AHCYL2: variants seen among roughly 807,000 people sequenced by gnomAD.
AHCYL2 encodes S-adenosylhomocysteine hydrolase-like protein 2.
AHCYL2 carries 28 observed loss-of-function variants against 81.4 expected under a neutral mutation model. The observed-to-expected ratio is 0.34, with a 90% CI of 0.25 to 0.47. The LOEUF is 0.47. Ranked by LOEUF, AHCYL2 falls within the 20% of genes least tolerant of loss-of-function variation. AHCYL2 has a pLI of 1.00. For synonymous variants in AHCYL2, 272 were observed against 290.2 expected, an observed-to-expected ratio of 0.94 and a Z score of 0.64; for missense variants, 551 against 785.1, an observed-to-expected ratio of 0.70 and a Z score of 3.56.
chr7:129,304,944 T>C (rs1004058557), intron 1 of AHCYL2, among the ~76,000 whole-genome samples: 6 of 152,006 alleles, frequency 3.9e-5, no homozygotes, highest in African/African-American at 1.4e-4. Context: ...GGTTTTTTTT[T>C]TGGTCTTCTC....
chr7:129,286,712 T>G (rs1468916326), intron 1 of AHCYL2, among the ~76,000 whole-genome samples: 3 of 152,246 alleles, frequency 2.0e-5, no homozygotes, highest in Admixed American at 2.0e-4. Context: ...CCACCTGCCT[T>G]GGCCTCCCAG....
At chr7:129,370,492 A>G (rs1182100877) in intron 1 of AHCYL2, among the ~76,000 whole-genome samples, 2 of 152,090 alleles carry the variant, frequency 1.3e-5, no homozygotes, top group Non-Finnish European at 2.9e-5. Context: ...AGGTCAGGAG[A>G]TCAAGATCAT....
intron 1 of AHCYL2, among the ~76,000 whole-genome samples, chr7:129,321,766 G>GTTTTTGTTTTTTTTT (rs1315391980): frequency 1.9e-5 from 2 of 107,484 alleles, no homozygotes; most frequent in Non-Finnish European, 3.7e-5. Context: ...TTTTTTTTTG[G>GTTTTTGTTTTTTTTT]TCTTGGTTTT....
intron 1 of AHCYL2, among the ~76,000 whole-genome samples, chr7:129,342,849 G>A (rs1050254962): frequency 6.6e-6 from 1 of 152,076 alleles, no homozygotes. Context: ...TGGCATATAT[G>A]TATATAATAT....
At chr7:129,384,190 C>T (rs919813315) in intron 2 of AHCYL2, among the ~76,000 whole-genome samples, 36 of 150,564 alleles carry the variant, frequency 2.4e-4, no homozygotes, top group African/African-American at 8.8e-4. Flanking sequence ...AAATTTTCCT[C>T]CTTTATTTTT....
At chr7:129,313,657 A>AG (rs1346278286) in intron 1 of AHCYL2, among the ~76,000 whole-genome samples, 3 of 152,220 alleles carry the variant, frequency 2.0e-5, no homozygotes, top group African/African-American at 7.2e-5. Context: ...ATAGTACAAA[A>AG]GGATCGTTTC....
intron 1 of AHCYL2, among the ~76,000 whole-genome samples, chr7:129,344,692 T>A (rs955630874): frequency 1.3e-5 from 2 of 152,026 alleles, no homozygotes; most frequent in East Asian, 3.9e-4. Context: ...AGGCCCTAAG[T>A]TGGAAAAGAA....
intron 12 of AHCYL2, among the ~76,000 whole-genome samples, chr7:129,415,477 G>A (rs1192134731): frequency 6.6e-6 from 1 of 152,084 alleles, no homozygotes; most frequent in Non-Finnish European, 1.5e-5. Flanking sequence ...ATTTTCAGTT[G>A]GGAAACTAAG....
chr7:129,231,013 A>G (rs550280772), intron 1 of AHCYL2, among the ~76,000 whole-genome samples: 2 of 152,154 alleles, frequency 1.3e-5, no homozygotes, highest in African/African-American at 4.8e-5. Flanking sequence ...TGGGCAGATC[A>G]TGAGGTCAAG....
chr7:129,340,688 A>C (rs1364061274), intron 1 of AHCYL2, among the ~76,000 whole-genome samples: 1 of 130,078 alleles, frequency 7.7e-6, no homozygotes. Context: ...TTAATTTCTA[A>C]GAACTGCTTT....
chr7:129,387,928 G>A (rs759929841), intron 2 of AHCYL2, among the ~76,000 whole-genome samples: 12 of 152,192 alleles, frequency 7.9e-5, no homozygotes, highest in South Asian at 4.1e-4. Flanking sequence ...ATGGTTTGTA[G>A]TGCCATGCCT....
chr7:129,266,271 CTT>C (rs142131248), intron 1 of AHCYL2, among the ~76,000 whole-genome samples: 1 of 152,284 alleles, frequency 6.6e-6, no homozygotes, highest in Non-Finnish European at 1.5e-5. Context: ...CCAAAATTGA[CTT>C]TGTTCAATTG....
At chr7:129,315,288 A>T (rs1463572221) in intron 1 of AHCYL2, among the ~76,000 whole-genome samples, 1 of 152,166 alleles carries the variant, frequency 6.6e-6, no homozygotes, top group Non-Finnish European at 1.5e-5. Context: ...GATCAAGTTC[A>T]AACTCCTTGG....
intron 1 of AHCYL2, among the ~76,000 whole-genome samples, chr7:129,250,970 G>A (rs905257252): frequency 4.6e-5 from 7 of 152,154 alleles, no homozygotes; most frequent in African/African-American, 1.4e-4. Context: ...GACCAAAACC[G>A]GTGAAGCCTT....
intron 1 of AHCYL2, among the ~76,000 whole-genome samples, chr7:129,271,438 A>ATAT (rs1454532642): frequency 1.3e-5 from 2 of 152,050 alleles, no homozygotes; most frequent in Non-Finnish European, 2.9e-5. Context: ...TTGGTGGACA[A>ATAT]TATCAATGGT....
At chr7:129,349,529 T>C (rs1793480042) in intron 1 of AHCYL2, among the ~76,000 whole-genome samples, 1 of 143,306 alleles carries the variant, frequency 7.0e-6, no homozygotes, top group African/African-American at 2.6e-5. Flanking sequence ...ATGCCTGTAA[T>C]CCCAGCTACT....
Position 129,240,311 on chromosome 7 carries a change from C to T in AHCYL2, c.363+14872C>T, listed in dbSNP as rs116005955. Among the ~76,000 whole-genome samples the T allele has an allele frequency of 1.6e-3, 238 of 151,952 alleles. 1 individual carries two copies. The highest frequency in any genetic ancestry group is 5.6e-3 in the African/African-American group (233 of 41,438). On this transcript the variant is annotated intron_variant, in intron 1 of 16. Coordinates refer to ENST00000325006, the MANE Select transcript of AHCYL2 (RefSeq NM_015328.4). ...CACAAACCACACACACCCTGAGACC[C>T]ACCCACACACAAAAACACGGGCTCC...
intron 1 of AHCYL2, among the ~76,000 whole-genome samples, chr7:129,369,021 CACA>C (rs1444272819): frequency 2.0e-5 from 3 of 152,272 alleles, no homozygotes; most frequent in Non-Finnish European, 4.4e-5. Flanking sequence ...TCCCTTCAGT[CACA>C]ACATTTCCCT....
At chr7:129,391,145 A>G (rs1475933747) in intron 4 of AHCYL2, among the ~76,000 whole-genome samples, 1 of 152,222 alleles carries the variant, frequency 6.6e-6, no homozygotes, top group African/African-American at 2.4e-5. Flanking sequence ...TTATTTGAAG[A>G]CAGAAATAAA....
Sources: gnomAD v4.1 joint callset for allele counts (sites outside exome capture counted in the v4.1 genomes callset) on GRCh38, gnomAD v4.1.1 for gene constraint, MANE v1.5 for transcripts, NCBI Gene and HGNC (gene_info 2026-07-23, HGNC 2026-07-21) for gene names.